CAST: variants seen among roughly 807,000 people sequenced by gnomAD.
The protein encoded by CAST is calpastatin.
CAST carries 76 observed loss-of-function variants against 119.6 expected under a neutral mutation model. That is an observed-to-expected ratio of 0.64 (90% CI 0.53 to 0.77). The LOEUF (loss-of-function observed/expected upper bound fraction) is 0.77. Among genes scored for constraint, CAST ranks in the 30% least tolerant of loss-of-function variants. CAST has a pLI of 0.00. For missense variants in CAST, 953 were observed against 946.5 expected (o/e 1.01, Z -0.09); for synonymous variants, 319 against 331.6 (o/e 0.96, Z 0.41).
the CAST span, among the ~76,000 whole-genome samples, chr5:96,192,526 T>A: frequency 3.3e-4 from 50 of 152,158 alleles, 1 homozygote; most frequent in African/African-American, 1.1e-3. Flanking sequence ...ATGGGAAAAA[T>A]TCAAAAGAAT....
At chr5:96,120,552 A>G in the CAST span, among the ~76,000 whole-genome samples, 2 of 151,450 alleles carry the variant, frequency 1.3e-5, no homozygotes, top group South Asian at 4.2e-4. Context: ...TTATATGTTC[A>G]GGCTCTGACC....
chr5:96,279,247 G>A, the CAST span, among the ~76,000 whole-genome samples: 1 of 152,120 alleles, frequency 6.6e-6, no homozygotes, highest in Non-Finnish European at 1.5e-5. Context: ...TTGATCGAAG[G>A]TCAGTCCAGA....
chr5:96,619,336 G>T (rs937778420), intron 1 of CAST, among the ~76,000 whole-genome samples: 2 of 152,172 alleles, frequency 1.3e-5, no homozygotes, highest in Non-Finnish European at 2.9e-5. Flanking sequence ...CTCAGGGATT[G>T]TAAACACACC....
chr5:96,126,895 G>T, the CAST span, among the ~76,000 whole-genome samples: 4 of 152,018 alleles, frequency 2.6e-5, no homozygotes, highest in African/African-American at 9.7e-5. Context: ...AATTCAATGG[G>T]ACCCAGAACT....
At chr5:96,766,771 A>G (rs935745039) in intron 27 of CAST, among the ~76,000 whole-genome samples, 1 of 152,352 alleles carries the variant, frequency 6.6e-6, no homozygotes, top group East Asian at 1.9e-4. Context: ...TAGATGATAA[A>G]TAACCCTTTC....
chr5:96,367,511 G>A, the CAST span, among the ~76,000 whole-genome samples: 10 of 152,122 alleles, frequency 6.6e-5, no homozygotes, highest in African/African-American at 1.2e-4. Context: ...ACCTACTCAA[G>A]CCTCAGCAAT....
intron 4 of CAST, 72 bp from the exon 5 acceptor site, chr5:96,726,722 C>T: frequency 2.9e-6 from 3 of 1,041,064 alleles, no homozygotes; most frequent in Non-Finnish European, 1.5e-6. Context: ...CATTTTAACC[C>T]TTTTTGTACA....
chr5:96,672,233 C>G (rs781609825), intron 1 of CAST, among the ~76,000 whole-genome samples: 5 of 151,914 alleles, frequency 3.3e-5, no homozygotes, highest in Non-Finnish European at 5.9e-5. Flanking sequence ...CTCTCTGTCT[C>G]TCTCTCTCTC....
chr5:95,982,996 A>G, the CAST span, among the ~76,000 whole-genome samples: 1 of 152,210 alleles, frequency 6.6e-6, no homozygotes, highest in Non-Finnish European at 1.5e-5. Flanking sequence ...AGGCAATTCT[A>G]TATATGTTCA....
upstream of CAST, among the ~76,000 whole-genome samples, chr5:96,525,826 C>T (rs1302415465): frequency 6.6e-6 from 1 of 152,210 alleles, no homozygotes; most frequent in African/African-American, 2.4e-5. Context: ...AATTGGCGTG[C>T]TGAGGTTGTC....
chr5:96,053,634 A>C, the CAST span, among the ~76,000 whole-genome samples: 5 of 152,238 alleles, frequency 3.3e-5, no homozygotes, highest in African/African-American at 1.2e-4. Context: ...TTCTTGTAGG[A>C]GAGTATTAGC....
At chr5:96,055,739 A>T in the CAST span, among the ~76,000 whole-genome samples, 1 of 152,262 alleles carries the variant, frequency 6.6e-6, no homozygotes, top group Non-Finnish European at 1.5e-5. Context: ...TATAATATAT[A>T]CTTTACTTTT....
the CAST span, among the ~76,000 whole-genome samples, chr5:96,326,851 A>T: frequency 2.0e-5 from 3 of 152,094 alleles, no homozygotes; most frequent in Admixed American, 2.0e-4. Context: ...TTATGATGTT[A>T]TACTTATTTT....
At chr5:96,529,335 T>C (rs1190565787), upstream of CAST, among the ~76,000 whole-genome samples, 2 of 151,874 alleles carry the variant, frequency 1.3e-5, no homozygotes, top group Admixed American at 6.6e-5. Context: ...TATTGTTTTC[T>C]GGTCTAAGCT....
the CAST span, among the ~76,000 whole-genome samples, chr5:96,221,183 A>G: frequency 6.6e-6 from 1 of 152,090 alleles, no homozygotes; most frequent in Non-Finnish European, 1.5e-5. Context: ...AGATGTAGTC[A>G]AGTTAAGTAT....
intron 1 of CAST, among the ~76,000 whole-genome samples, chr5:96,635,975 A>C (rs899330113): frequency 6.6e-6 from 1 of 152,200 alleles, no homozygotes; most frequent in African/African-American, 2.4e-5. Flanking sequence ...CATTTCATCT[A>C]GGAATACAGC....
At chr5:96,392,365 A>AT in the CAST span, 6 of 152,910 alleles carry the variant, frequency 3.9e-5, no homozygotes, top group African/African-American at 1.4e-4. Context: ...CAGGCAAAGA[A>AT]TGTTCGAAAA....
the CAST span, among the ~76,000 whole-genome samples, chr5:96,036,086 A>G: frequency 6.6e-6 from 1 of 151,962 alleles, no homozygotes. Flanking sequence ...TTAAAAAAAA[A>G]AAGAGAGAGA....
At chr5:96,565,945 A>G (rs1042330158) in intron 1 of CAST, among the ~76,000 whole-genome samples, 1 of 152,186 alleles carries the variant, frequency 6.6e-6, no homozygotes, top group African/African-American at 2.4e-5. Context: ...ATATCATGGC[A>G]GGAGCCCATG....
Sources: allele counts gnomAD v4.1 joint callset (sites outside exome capture counted in the v4.1 genomes callset), GRCh38; gene constraint gnomAD v4.1.1; transcripts MANE v1.5; gene names NCBI Gene and HGNC (gene_info 2026-07-23, HGNC 2026-07-21).